Variants in ABR observed in about 807,000 individuals in gnomAD.
The protein encoded by ABR is active breakpoint cluster region-related protein.
A neutral mutation model predicts 107.2 loss-of-function variants in ABR; 35 were observed. The observed-to-expected ratio is 0.33, with a 90% CI of 0.25 to 0.43. The LOEUF (loss-of-function observed/expected upper bound fraction) is 0.43, where lower values mean the gene tolerates loss of function less well. ABR is among the 20% of genes least tolerant of loss of function. The pLI, the probability that ABR is intolerant of heterozygous loss-of-function variation, is 1.00. For synonymous variants in ABR, 498 were observed against 462.0 expected (o/e 1.08, Z -1.00); for missense variants, 815 against 1,115.2 (o/e 0.73, Z 3.83).
chr17:1,021,528 A>G (rs1009151958), intron 16 of ABR, among the ~76,000 whole-genome samples: 56 of 152,314 alleles, frequency 3.7e-4, no homozygotes, highest in East Asian at 2.3e-3. Flanking sequence ...TTCTTCAGCC[A>G]GGTGCGGTGG....
At chr17:1,201,145 C>A (rs2042663800) in intron 1 of ABR, among the ~76,000 whole-genome samples, 1 of 152,218 alleles carries the variant, frequency 6.6e-6, no homozygotes, top group Admixed American at 6.5e-5. Context: ...CCTCAGGCAG[C>A]CGCATCACTC....
chr17:1,165,878 G>A (rs1239024875), intron 1 of ABR, among the ~76,000 whole-genome samples: 1 of 152,164 alleles, frequency 6.6e-6, no homozygotes, highest in Non-Finnish European at 1.5e-5. Context: ...GGGTGCCATG[G>A]TCTCTCTGAG....
rs2040412797 is a variant in ABR, at chr17:1,143,710, C to T, written c.62-18343G>A. 2.6e-5 allele frequency among the ~76,000 whole-genome samples: 4 copies of T among 152,230 alleles called. No individual in the cohort carries two copies. The South Asian group carries it at 8.3e-4, about 32-fold the overall frequency. On this transcript the variant is annotated intron_variant, in intron 1 of 22. Coordinates refer to ENST00000302538, the MANE Select transcript of ABR (RefSeq NM_021962.5). The stretch of plus-strand genomic sequence containing the variant: ...GATCCTTGGAAGAGGGAGGCAGAGA[C>T]CGTAGCCGCCTGGAGAAGTGGCCGC...
At chr17:1,192,269 G>A (rs1291008576), upstream of ABR, among the ~76,000 whole-genome samples, 96 of 152,050 alleles carry the variant, frequency 6.3e-4, 1 homozygote, top group Admixed American at 4.6e-4. Flanking sequence ...GAGCCACGGC[G>A]CCCTGCAGAA....
intron 16 of ABR, among the ~76,000 whole-genome samples, chr17:1,035,124 C>T (rs910080483): frequency 3.3e-5 from 5 of 151,856 alleles, no homozygotes; most frequent in African/African-American, 1.2e-4. Context: ...TTCTCTCCCC[C>T]AAGCCCGACT....
rs3885252 is a variant in ABR at position 1,200,312 on chromosome 17, C to G, written c.838+28481G>C. ...CGCCTGTAATCCCAACACTTTCGGA[C>G]GATCGCTTGAAGCCAGGAGTTCAAG... On this transcript the variant is annotated intron_variant, in intron 1 of 22. Coordinates refer to the ABR transcript ENST00000574139. This position sits in a 1 kb window ranked among gnomAD's most constrained non-coding sequence, Gnocchi z 4.1. Among the ~76,000 whole-genome samples, 8,645 of 152,072 alleles carry G rather than the reference C, an allele frequency of 0.057. 580 individuals carry two copies. Among genetic ancestry groups the G allele is most frequent in the African/African-American group, 0.16 (6,537 of 41,448 alleles).
chr17:1,226,869 T>C (rs914918506), intron 1 of ABR, among the ~76,000 whole-genome samples: 1 of 152,156 alleles, frequency 6.6e-6, no homozygotes, highest in African/African-American at 2.4e-5. Context: ...TGTGCTGCTA[T>C]GCATTTATGT....
intron 7 of ABR, 59 bp from the exon 8 acceptor site, chr17:1,072,813 C>A (rs1448763819): frequency 6.4e-7 from 1 of 1,567,214 alleles, no homozygotes; most frequent in Non-Finnish European, 8.6e-7. Context: ...TGTGTGGCCA[C>A]CGGGGAGTGC....
intron 1 of ABR, 150 bp from the exon 2 acceptor site, chr17:1,125,517 TG>T: frequency 1.5e-6 from 1 of 670,538 alleles, no homozygotes; most frequent in Non-Finnish European, 2.2e-6. Context: ...TGCGGGGGCC[TG>T]GGCCTGGTGA....
Position 1,100,830 on chromosome 17 carries a change from TA to T in ABR, c.247-96del, listed in dbSNP as rs1360766636. On this transcript the variant is annotated intron_variant, in intron 2 of 22. Coordinates refer to ENST00000302538, the MANE Select transcript of ABR (RefSeq NM_021962.5). ...TTCCCTGCCCTTCCCCCCCGACCTTTATTTTTTTTTTGAGACGAAGTCTCGC... is the reference window on the plus strand; with the variant it reads ...TTCCCTGCCCTTCCCCCCCGACCTTTTTTTTTTTTTGAGACGAAGTCTCGC... 1.3e-5 allele frequency: 16 copies of T among 1,232,438 alleles called. No individual in the cohort carries two copies. The East Asian group carries it at 3.5e-4, about 27-fold the overall frequency. 76.3% of individuals were successfully genotyped at this position (1,232,438 alleles called of 1,614,324 possible).
intron 10 of ABR, among the ~76,000 whole-genome samples, chr17:1,065,742 CTTTTTTTT>C (rs56388222): frequency 1.2e-4 from 14 of 116,330 alleles, no homozygotes; most frequent in Admixed American, 1.9e-4. Flanking sequence ...CAAACCAATG[CTTTTTTTT>C]TTTTTTTTTT....
intron 10 of ABR, among the ~76,000 whole-genome samples, chr17:1,060,845 A>G (rs1356258589): frequency 6.6e-6 from 1 of 151,416 alleles, no homozygotes; most frequent in Non-Finnish European, 1.5e-5. Flanking sequence ...ACAAAAAATT[A>G]GCCAGGCGTG....
At chr17:1,066,809 G>A (rs1173626629) in intron 10 of ABR, among the ~76,000 whole-genome samples, 8 of 152,164 alleles carry the variant, frequency 5.3e-5, no homozygotes, top group Admixed American at 4.6e-4. Context: ...GATTACAGGT[G>A]TGAGCCACTG....
At chr17:1,173,210 C>T (rs1283448702) in intron 1 of ABR, among the ~76,000 whole-genome samples, 1 of 94,528 alleles carries the variant, frequency 1.1e-5, no homozygotes, top group East Asian at 4.0e-4. Context: ...AACACATCAC[C>T]TCAGTCCACT....
chr17:1,224,040 G>A (rs1001108974), intron 1 of ABR, among the ~76,000 whole-genome samples: 39 of 152,318 alleles, frequency 2.6e-4, no homozygotes, highest in African/African-American at 9.4e-4. Context: ...AACAGGAGCT[G>A]GCAAAAGTAA....
At position 1,108,835 on chromosome 17, in the gene ABR, C is replaced by T. The variant is rs938954760; in HGVS notation, c.247-8100G>A. 5 of 1,401,340 alleles carry T rather than the reference C, an allele frequency of 3.6e-6. No individual in the cohort carries two copies. In the African/African-American group the frequency reaches 4.6e-5, roughly 13 times the overall value. 86.8% of individuals were successfully genotyped at this position (1,401,340 alleles called of 1,614,324 possible). On this transcript the variant is annotated intron_variant, in intron 2 of 22. Coordinates refer to ENST00000302538, the MANE Select transcript of ABR (RefSeq NM_021962.5). ...GGACCCTCCGCCGAGGGCTTCCACC[C>T]GGCCGCGCGCTCTGCGCCCGCATCA...
At position 1,050,202 on chromosome 17, in the gene ABR, G is replaced by A. The variant is rs2032298562; in HGVS notation, c.1660-21C>T. ...AACTCCTGGGGAAAGATGGGACAAA[G>A]GGCCCTGAACCTCCGAAGCTGGGAG... On this transcript the variant is annotated intron_variant, in intron 15 of 22. Coordinates refer to ENST00000302538, the MANE Select transcript of ABR (RefSeq NM_021962.5). This position sits in a 1 kb window ranked among gnomAD's most constrained non-coding sequence, Gnocchi z 4.6. 2 of 1,607,910 alleles carry A rather than the reference G, an allele frequency of 1.2e-6. No homozygotes were observed. The highest frequency in any genetic ancestry group is 4.5e-5 in the East Asian group (2 of 44,858).
chr17:1,018,244 G>C (rs375319265), intron 16 of ABR, among the ~76,000 whole-genome samples: 74 of 150,598 alleles, frequency 4.9e-4, no homozygotes, highest in Non-Finnish European at 9.0e-4. Context: ...GGGTTTCACC[G>C]TGTTAGCCAG....
intron 2 of ABR, among the ~76,000 whole-genome samples, chr17:1,119,680 A>T (rs1188715093): frequency 6.6e-6 from 1 of 152,176 alleles, no homozygotes; most frequent in Non-Finnish European, 1.5e-5. Flanking sequence ...TAAGGTCCTG[A>T]TCTCACAGGG....
Sources: allele counts gnomAD v4.1 joint callset (sites outside exome capture counted in the v4.1 genomes callset), GRCh38; gene constraint gnomAD v4.1.1; non-coding constraint Gnocchi (gnomAD v3.1); transcripts MANE v1.5; gene names NCBI Gene and HGNC (gene_info 2026-07-23, HGNC 2026-07-21).